PLCXD3: variants seen among roughly 807,000 people sequenced by gnomAD.
The protein encoded by PLCXD3 is PI-PLC X domain-containing protein 3.
Under a neutral mutation model 25.5 loss-of-function variants are expected in PLCXD3, and 19 were observed. That is an observed-to-expected ratio of 0.75 (90% CI 0.52 to 1.09). PLCXD3 has a LOEUF of 1.09. PLCXD3 is among the 50% of genes least tolerant of loss of function. The pLI is 0.00. For missense variants in PLCXD3, 411 were observed against 388.1 expected, an observed-to-expected ratio of 1.06 and a Z score of -0.50; for synonymous variants, 174 against 137.6, an observed-to-expected ratio of 1.26 and a Z score of -1.85.
At position 41,458,834 on chromosome 5, in the gene PLCXD3, T is replaced by C. The variant is rs147129349; in HGVS notation, c.103+51590A>G. ...TACACATTTGAAAGGGAAAAGTCCT[T>C]GTGAGACCCTGTAAAATAATTTACA... is the stretch of plus-strand genomic sequence containing the variant. On this transcript the variant is annotated intron_variant, in intron 1 of 2. Coordinates refer to ENST00000377801, the MANE Select transcript of PLCXD3 (RefSeq NM_001005473.3). Among the ~76,000 whole-genome samples the C allele has an allele frequency of 1.8e-3, 275 of 152,116 alleles. 2 individuals are homozygous for C. Among genetic ancestry groups the C allele is most frequent in the African/African-American group, 6.4e-3 (266 of 41,548 alleles).
At chr5:41,455,894 A>C (rs1457131) in intron 1 of PLCXD3, among the ~76,000 whole-genome samples, 21,392 of 151,976 alleles carry the variant, frequency 0.14, 1,663 homozygotes, top group Middle Eastern at 0.19. Context: ...TGAGAGAACA[A>C]GAAACACAGT....
At chr5:41,378,703 C>A (rs769530003) in intron 2 of PLCXD3, among the ~76,000 whole-genome samples, 22 of 152,034 alleles carry the variant, frequency 1.4e-4, no homozygotes, top group Non-Finnish European at 3.2e-4. Flanking sequence ...CTAAAATATT[C>A]CTTAGGCATT....
chr5:41,382,352 C>T lies in PLCXD3; in HGVS notation c.286G>A (p.Asp96Asn). ...CTGGGCTTGGTGGAAATTCGAAGAT[C>T]AAAATAACGAATTCCAGCTCCTAGC... is the stretch of plus-strand genomic sequence containing the variant. ...GQLGAGIRYF[D>N]LRISTKPRDP... The change falls in exon 2 of 3, where the codon GAT becomes AAT. Residue 96 changes from aspartate to asparagine, a missense_variant. By Grantham distance (23) the Asp-to-Asn change is conservative. Coordinates refer to ENST00000377801, the MANE Select transcript of PLCXD3 (RefSeq NM_001005473.3). The T allele has an allele frequency of 6.2e-7, 1 of 1,613,440 alleles. No individual in the cohort carries two copies.
chr5:41,361,263 C>G (rs916973199), intron 2 of PLCXD3, among the ~76,000 whole-genome samples: 6 of 152,200 alleles, frequency 3.9e-5, no homozygotes, highest in Admixed American at 2.0e-4. Flanking sequence ...ACTGTGCCCC[C>G]ACAGCAGCAC....
At chr5:41,437,739 T>C (rs1023615707) in intron 1 of PLCXD3, among the ~76,000 whole-genome samples, 46 of 152,166 alleles carry the variant, frequency 3.0e-4, no homozygotes, top group African/African-American at 9.7e-4. Flanking sequence ...GGACTTGATA[T>C]TCAAGCATTG....
At chr5:41,506,589 A>G (rs1004704047) in intron 1 of PLCXD3, among the ~76,000 whole-genome samples, 2 of 152,206 alleles carry the variant, frequency 1.3e-5, no homozygotes, top group African/African-American at 4.8e-5. Context: ...GTAAAATAGA[A>G]ATAGGAAATT....
intron 1 of PLCXD3, among the ~76,000 whole-genome samples, chr5:41,438,064 G>A (rs1257714269): frequency 6.6e-6 from 1 of 152,076 alleles, no homozygotes; most frequent in Non-Finnish European, 1.5e-5. Flanking sequence ...TCCTATCCCT[G>A]GGCTTTGGTT....
At chr5:41,347,778 T>C (rs1334812566) in intron 2 of PLCXD3, among the ~76,000 whole-genome samples, 1 of 152,232 alleles carries the variant, frequency 6.6e-6, no homozygotes, top group Non-Finnish European at 1.5e-5. Flanking sequence ...GGCGCTATTA[T>C]TCAAAGAATC....
At position 41,307,143 on chromosome 5, in the gene PLCXD3, C is replaced by G. The variant is rs1269869626; in HGVS notation, c.*6474G>C. ...AAAGAGAAGGCACAGATCTGTCTCT[C>G]TCTGGTGAATTTCTGGTGTCTAATG... On this transcript the variant is annotated 3_prime_UTR_variant, in exon 3 of 3. Transcript: ENST00000377801. 1 of 152,608 alleles carries G rather than the reference C, an allele frequency of 6.6e-6. No homozygotes were observed. The highest frequency in any genetic ancestry group is 2.4e-5 in the African/African-American group (1 of 41,442). 9.5% of individuals were successfully genotyped at this position (152,608 alleles called of 1,614,324 possible). A position where few individuals can be genotyped will look rare whatever the true frequency, so the allele number is the denominator to read the frequency against.
At chr5:41,428,768 A>T (rs1416446752) in intron 1 of PLCXD3, among the ~76,000 whole-genome samples, 1 of 152,172 alleles carries the variant, frequency 6.6e-6, no homozygotes, top group Non-Finnish European at 1.5e-5. Flanking sequence ...ATTAACATTT[A>T]GTGCATTTTT....
intron 1 of PLCXD3, among the ~76,000 whole-genome samples, chr5:41,460,567 A>T (rs550895533): frequency 1.3e-5 from 2 of 152,130 alleles, no homozygotes; most frequent in East Asian, 3.9e-4. Flanking sequence ...TATGTATGAC[A>T]TCTACTTTTG....
In PLCXD3 at chr5:41,342,482, A is replaced by G. The variant is rs1271870502; in HGVS notation, c.813-28712T>C. 2.0e-5 allele frequency among the ~76,000 whole-genome samples: 3 copies of G among 152,172 alleles called. No individual in the cohort carries two copies. The East Asian group carries it at 5.8e-4, about 29-fold the overall frequency. ...AATGGAAGAGAAAGTGTGGGCCTCAAAGCAGTTGAGGCCAAAAGGCAGTTT... is the reference window on the plus strand; with the variant it reads ...AATGGAAGAGAAAGTGTGGGCCTCAGAGCAGTTGAGGCCAAAAGGCAGTTT... On this transcript the variant is annotated intron_variant, in intron 2 of 2. Coordinates refer to ENST00000377801, the MANE Select transcript of PLCXD3 (RefSeq NM_001005473.3).
intron 1 of PLCXD3, among the ~76,000 whole-genome samples, chr5:41,407,738 AT>A (rs889402253): frequency 6.6e-6 from 1 of 152,210 alleles, no homozygotes; most frequent in Admixed American, 6.5e-5. Context: ...TAGGAAATAC[AT>A]TTTTTAATAT....
At chr5:41,347,347 G>T (rs202020226) in intron 2 of PLCXD3, among the ~76,000 whole-genome samples, 1 of 152,154 alleles carries the variant, frequency 6.6e-6, no homozygotes, top group African/African-American at 2.4e-5. Flanking sequence ...TAATGGCAAG[G>T]CTTGTCACTT....
intron 2 of PLCXD3, among the ~76,000 whole-genome samples, chr5:41,325,219 T>C (rs1299655816): frequency 6.6e-6 from 1 of 152,208 alleles, no homozygotes. Context: ...TAAAATATCA[T>C]TCCTCTGAGT....
Position 41,377,776 on chromosome 5 carries a change from A to C in PLCXD3, c.812+4050T>G, listed in dbSNP as rs551213398. 4.0e-4 allele frequency among the ~76,000 whole-genome samples: 61 copies of C among 152,200 alleles called. 1 individual carries two copies. The highest frequency in any genetic ancestry group is 1.0e-3 in the Admixed American group (16 of 15,248). ...CTGTTTTCTAAATGCATGTGCTCAG[A>C]GTTTTGTTAATCCAAATATTAGGCA... On this transcript the variant is annotated intron_variant, in intron 2 of 2. Coordinates refer to ENST00000377801, the MANE Select transcript of PLCXD3 (RefSeq NM_001005473.3).
intron 1 of PLCXD3, among the ~76,000 whole-genome samples, chr5:41,411,252 A>T (rs549009907): frequency 6.6e-6 from 1 of 152,326 alleles, no homozygotes; most frequent in South Asian, 2.1e-4. Flanking sequence ...TTATGAATAA[A>T]GAAAATCTGA....
chr5:41,435,240 A>G (rs1165624668), intron 1 of PLCXD3, among the ~76,000 whole-genome samples: 4 of 152,224 alleles, frequency 2.6e-5, no homozygotes, highest in African/African-American at 7.2e-5. Context: ...CATCATTTTT[A>G]TGAAGATGGT....
intron 2 of PLCXD3, among the ~76,000 whole-genome samples, chr5:41,357,817 A>G (rs77346191): frequency 1.9e-3 from 284 of 152,354 alleles, no homozygotes; most frequent in African/African-American, 6.5e-3. Flanking sequence ...ACAAAACCCC[A>G]AGATATTTGT....
Sources: allele counts gnomAD v4.1 joint callset (sites outside exome capture counted in the v4.1 genomes callset), GRCh38; gene constraint gnomAD v4.1.1; transcripts MANE v1.5; gene names NCBI Gene and HGNC (gene_info 2026-07-23, HGNC 2026-07-21).